AP3B1: variants seen among roughly 807,000 people sequenced by gnomAD.
The protein encoded by AP3B1 is AP-3 complex subunit beta-1.
Under a neutral mutation model 132.5 loss-of-function variants are expected in AP3B1, and 61 were observed. That is an observed-to-expected ratio of 0.46 (90% CI 0.37 to 0.57). The LOEUF is 0.57. Ranked by LOEUF, AP3B1 falls within the 20% of genes least tolerant of loss-of-function variation. The pLI is 0.00. For missense variants in AP3B1, 1,120 were observed against 1,289.4 expected (o/e 0.87, Z 2.01); for synonymous variants, 388 against 438.3 (o/e 0.89, Z 1.43).
chr5:78,254,371 A>G (rs1341291380), intron 2 of AP3B1, among the ~76,000 whole-genome samples: 1 of 152,210 alleles, frequency 6.6e-6, no homozygotes, highest in East Asian at 1.9e-4. Flanking sequence ...GTTATAGAAC[A>G]TCAAGCAGAT....
chr5:78,109,795 TACTA>T (rs750045526), intron 20 of AP3B1, among the ~76,000 whole-genome samples: 41 of 152,262 alleles, frequency 2.7e-4, no homozygotes, highest in African/African-American at 6.5e-4. Flanking sequence ...CGCAAATTCT[TACTA>T]ACTAAAGAAT....
intron 12 of AP3B1, among the ~76,000 whole-genome samples, chr5:78,164,869 T>C (rs1199378082): frequency 6.6e-6 from 1 of 152,034 alleles, no homozygotes; most frequent in East Asian, 1.9e-4. Context: ...AAAAAATACA[T>C]CTCTAAAAGT....
intron 26 of AP3B1, among the ~76,000 whole-genome samples, chr5:78,004,886 T>A (rs921458152): frequency 6.6e-6 from 1 of 152,250 alleles, no homozygotes; most frequent in Non-Finnish European, 1.5e-5. Context: ...CACATCCATC[T>A]GCTTTTCAGA....
At chr5:78,274,091 T>C (rs1052190627) in intron 1 of AP3B1, among the ~76,000 whole-genome samples, 3 of 143,646 alleles carry the variant, frequency 2.1e-5, no homozygotes, top group Admixed American at 2.1e-4. Flanking sequence ...ACCAGAGTTA[T>C]CACACAGGGA....
chr5:78,245,344 C>T (rs1747335459), intron 2 of AP3B1, among the ~76,000 whole-genome samples: 1 of 152,200 alleles, frequency 6.6e-6, no homozygotes, highest in Non-Finnish European at 1.5e-5. Flanking sequence ...CTAGTAGGAG[C>T]GGGCTTAACT....
intron 11 of AP3B1, among the ~76,000 whole-genome samples, chr5:78,168,859 TTC>T (rs1363921986): frequency 6.6e-6 from 1 of 152,182 alleles, no homozygotes; most frequent in Non-Finnish European, 1.5e-5. Flanking sequence ...CTGAAACAGT[TTC>T]TTAGTCTTTC....
chr5:78,273,060 A>G (rs1748618296), intron 1 of AP3B1, among the ~76,000 whole-genome samples: 1 of 94,840 alleles, frequency 1.1e-5, no homozygotes. Flanking sequence ...CACACACACA[A>G]GTACTCTTAA....
intron 26 of AP3B1, among the ~76,000 whole-genome samples, chr5:78,013,064 G>A (rs1746688728): frequency 6.6e-6 from 1 of 151,686 alleles, no homozygotes; most frequent in African/African-American, 2.4e-5. Context: ...CTTTTTTTGA[G>A]ACAGGGTCTC....
At chr5:78,258,968 T>C (rs1249962514) in intron 2 of AP3B1, among the ~76,000 whole-genome samples, 1 of 152,180 alleles carries the variant, frequency 6.6e-6, no homozygotes, top group Non-Finnish European at 1.5e-5. Flanking sequence ...CCGGGCACGG[T>C]GGCTCATGCC....
At chr5:78,169,690 A>T (rs1448967860) in intron 11 of AP3B1, among the ~76,000 whole-genome samples, 1 of 152,112 alleles carries the variant, frequency 6.6e-6, no homozygotes, top group African/African-American at 2.4e-5. Flanking sequence ...AGCCTCCCAA[A>T]GTGCTAGCAA....
downstream of AP3B1, chr5:78,001,636 ATATG>A (rs1319986814): frequency 3.9e-5 from 6 of 152,142 alleles, no homozygotes; most frequent in African/African-American, 1.4e-4. Context: ...GTTCTTTTCA[ATATG>A]TATGTTCCAA....
At chr5:78,090,202 C>T (rs1750451744) in intron 21 of AP3B1, among the ~76,000 whole-genome samples, 1 of 152,186 alleles carries the variant, frequency 6.6e-6, no homozygotes, top group Non-Finnish European at 1.5e-5. Flanking sequence ...CCTTCCTATG[C>T]TAATGGAAAT....
intron 22 of AP3B1, among the ~76,000 whole-genome samples, chr5:78,057,089 A>G (rs538623134): frequency 2.0e-5 from 3 of 152,280 alleles, no homozygotes; most frequent in South Asian, 2.1e-4. Flanking sequence ...TGTTTTCCTT[A>G]GGAGTTTACT....
chr5:78,179,110 TATAAA>T (rs1744265519), intron 8 of AP3B1, among the ~76,000 whole-genome samples: 1 of 152,188 alleles, frequency 6.6e-6, no homozygotes, highest in Admixed American at 6.5e-5. Flanking sequence ...TTTTAAATCT[TATAAA>T]ATAAAAGAAT....
intron 11 of AP3B1, among the ~76,000 whole-genome samples, chr5:78,172,724 G>A (rs756575690): frequency 6.6e-6 from 1 of 150,980 alleles, no homozygotes; most frequent in African/African-American, 2.4e-5. Flanking sequence ...TTTCGTTATT[G>A]GGTATTTCGT....
At chr5:78,178,447 C>T (rs1013880459) in intron 8 of AP3B1, among the ~76,000 whole-genome samples, 42 of 152,076 alleles carry the variant, frequency 2.8e-4, no homozygotes, top group African/African-American at 9.9e-4. Flanking sequence ...ATGGTAAAAC[C>T]CCATCTCTAC....
At chr5:78,036,549 G>C (rs1182835531) in intron 23 of AP3B1, among the ~76,000 whole-genome samples, 1 of 152,060 alleles carries the variant, frequency 6.6e-6, no homozygotes, top group African/African-American at 2.4e-5. Flanking sequence ...TAAAGCCACT[G>C]AATATAGTAA....
rs1270734050 is a variant in AP3B1, at chr5:78,227,505, C to A, written c.403G>T (p.Ala135Ser). 1.2e-6 allele frequency: 2 copies of A among 1,613,646 alleles called. No individual in the cohort carries two copies. The change falls in exon 5 of 27, where the codon GCT (alanine) becomes TCT (serine). Residue 135 changes from alanine (A) to serine (S), a missense_variant. Ala to Ser is a moderately conservative substitution (Grantham distance 99). Coordinates refer to ENST00000255194, the MANE Select transcript of AP3B1 (RefSeq NM_003664.5). ...KDPNQLIRAS[A>S]LRVLSSIRVP... ...CTAATACTTGACAGAACTCTCAAAG[C>A]GCTTGCACGAATTAGTTGGTTTGGG...
At chr5:78,283,353 C>T (rs746392983) in intron 1 of AP3B1, among the ~76,000 whole-genome samples, 1 of 152,184 alleles carries the variant, frequency 6.6e-6, no homozygotes, top group Non-Finnish European at 1.5e-5. Context: ...CTTCCTCCTA[C>T]GGAAGTAGGA....
Sources: gnomAD v4.1 joint callset for allele counts (sites outside exome capture counted in the v4.1 genomes callset) on GRCh38, gnomAD v4.1.1 for gene constraint, MANE v1.5 for transcripts, NCBI Gene and HGNC (gene_info 2026-07-23, HGNC 2026-07-21) for gene names.